Variants in THSD7A observed in about 807,000 individuals in gnomAD.
THSD7A encodes thrombospondin type-1 domain-containing protein 7A.
In THSD7A, 96 loss-of-function variants were observed where a neutral mutation model predicts 231.3. The observed-to-expected ratio is 0.41, with a 90% CI of 0.35 to 0.49. The LOEUF (loss-of-function observed/expected upper bound fraction) is 0.49. Ranked by LOEUF, THSD7A falls within the 20% of genes least tolerant of loss-of-function variation. THSD7A has a pLI of 0.05. For missense variants in THSD7A, 2,290 were observed against 2,070.2 expected (o/e 1.11, Z -2.06); for synonymous variants, 940 against 743.3 (o/e 1.26, Z -4.30).
intron 2 of THSD7A, among the ~76,000 whole-genome samples, chr7:11,606,982 A>G (rs1001126790): frequency 6.6e-6 from 1 of 151,886 alleles, no homozygotes; most frequent in Admixed American, 6.6e-5. Flanking sequence ...TGTTGTGCAC[A>G]TGTACCCTAG....
intron 1 of THSD7A, among the ~76,000 whole-genome samples, chr7:11,797,652 T>C (rs1030469846): frequency 2.0e-5 from 3 of 151,962 alleles, no homozygotes; most frequent in Admixed American, 2.0e-4. Context: ...CTTCTGGCCT[T>C]AAGCAATCCT....
intron 9 of THSD7A, among the ~76,000 whole-genome samples, chr7:11,463,492 G>C (rs1452055512): frequency 6.6e-6 from 1 of 152,156 alleles, no homozygotes; most frequent in Non-Finnish European, 1.5e-5. Flanking sequence ...GAAGGGCCTG[G>C]TTTGAAATCT....
intron 1 of THSD7A, among the ~76,000 whole-genome samples, chr7:11,714,675 C>G (rs1461480569): frequency 6.6e-6 from 1 of 151,268 alleles, no homozygotes; most frequent in African/African-American, 2.4e-5. Flanking sequence ...AGAAAAAAAG[C>G]AGTTTTCCAA....
At chr7:11,674,091 G>C (rs965435392) in intron 1 of THSD7A, among the ~76,000 whole-genome samples, 2 of 151,882 alleles carry the variant, frequency 1.3e-5, no homozygotes, top group Non-Finnish European at 2.9e-5. Context: ...CAGGTTCCCT[G>C]GTGTTCTAAC....
chr7:11,781,551 C>T (rs114417350), intron 1 of THSD7A, among the ~76,000 whole-genome samples: 81 of 152,200 alleles, frequency 5.3e-4, no homozygotes, highest in African/African-American at 1.7e-3. Context: ...ATAACTTGTC[C>T]CCAGAAGTCT....
chr7:11,437,254 A>T (rs1041905177), intron 13 of THSD7A, among the ~76,000 whole-genome samples: 2 of 152,068 alleles, frequency 1.3e-5, no homozygotes. Context: ...CCAGACATGA[A>T]TGGCAGCTGC....
At chr7:11,461,527 T>C (rs1562627869) in intron 10 of THSD7A, among the ~76,000 whole-genome samples, 1 of 152,148 alleles carries the variant, frequency 6.6e-6, no homozygotes, top group African/African-American at 2.4e-5. Flanking sequence ...ACAATTTTAT[T>C]TGAGGTGATC....
At chr7:11,433,433 T>C (rs1254038794) in intron 13 of THSD7A, among the ~76,000 whole-genome samples, 6 of 152,042 alleles carry the variant, frequency 3.9e-5, no homozygotes, top group African/African-American at 7.2e-5. Flanking sequence ...ACTTTAAAAG[T>C]ATCTAAAGTC....
At chr7:11,785,754 C>T (rs1223864757) in intron 1 of THSD7A, among the ~76,000 whole-genome samples, 3 of 152,078 alleles carry the variant, frequency 2.0e-5, no homozygotes, top group Non-Finnish European at 4.4e-5. Flanking sequence ...ACCACATCTG[C>T]TTTTACAGTT....
intron 6 of THSD7A, among the ~76,000 whole-genome samples, chr7:11,500,401 C>A (rs1227816436): frequency 3.3e-5 from 5 of 152,074 alleles, no homozygotes; most frequent in African/African-American, 9.7e-5. Flanking sequence ...AAAGCAACCA[C>A]ACAAACAAGC....
chr7:11,554,770 T>C (rs2128327358), intron 4 of THSD7A, among the ~76,000 whole-genome samples: 1 of 152,098 alleles, frequency 6.6e-6, no homozygotes, highest in South Asian at 2.1e-4. Context: ...AGTGCCTTTG[T>C]TGCCTCTTTT....
Position 11,832,135 on chromosome 7 carries a change from C to T in THSD7A, c.-189G>A. On this transcript the variant is annotated 5_prime_UTR_variant, in exon 1 of 28. Coordinates refer to ENST00000423059, the MANE Select transcript of THSD7A (RefSeq NM_015204.3). ...ATAGCGTCCGCGGTGGTGGCCGTGG[C>T]CGCTGCCGCCGCCGCCGCCGCCTCT... The T allele has an allele frequency of 5.5e-6, 2 of 361,870 alleles. No homozygotes were observed. The highest frequency in any genetic ancestry group is 9.5e-6 in the Non-Finnish European group (2 of 209,606). The allele number at this position is 361,870 out of a possible 1,614,324, so 22.4% of individuals were successfully genotyped here. A position where few individuals can be genotyped will look rare whatever the true frequency, so the allele number is the denominator to read the frequency against.
At chr7:11,815,062 A>G (rs542944493) in intron 1 of THSD7A, among the ~76,000 whole-genome samples, 3 of 148,808 alleles carry the variant, frequency 2.0e-5, no homozygotes, top group Non-Finnish European at 4.5e-5. Flanking sequence ...ATATACTTTC[A>G]TGTAGCCATT....
chr7:11,675,956 A>G (rs1259905170), intron 1 of THSD7A, among the ~76,000 whole-genome samples: 1 of 152,190 alleles, frequency 6.6e-6, no homozygotes, highest in Non-Finnish European at 1.5e-5. Context: ...CTGACCCATG[A>G]GCCTCCTGAT....
intron 6 of THSD7A, among the ~76,000 whole-genome samples, chr7:11,527,987 T>TA (rs144953201): frequency 0.038 from 5,725 of 152,042 alleles, 378 homozygotes; most frequent in African/African-American, 0.13. Context: ...ACTTTGTCCC[T>TA]ACAAAAAAAT....
At chr7:11,488,952 G>C (rs1786777073) in intron 6 of THSD7A, among the ~76,000 whole-genome samples, 1 of 151,902 alleles carries the variant, frequency 6.6e-6, no homozygotes, top group Non-Finnish European at 1.5e-5. Flanking sequence ...TTCTTCCTCT[G>C]TGAACATTAT....
chr7:11,676,481 G>T (rs540583092), intron 1 of THSD7A, among the ~76,000 whole-genome samples: 1 of 152,120 alleles, frequency 6.6e-6, no homozygotes, highest in Non-Finnish European at 1.5e-5. Flanking sequence ...AACTAAAGGA[G>T]CAATTTCTAA....
chr7:11,551,802 C>T (rs760286547), intron 4 of THSD7A, among the ~76,000 whole-genome samples: 6 of 152,092 alleles, frequency 3.9e-5, no homozygotes, highest in Non-Finnish European at 8.8e-5. Flanking sequence ...TCTCAAAGAA[C>T]TTAAAACAAC....
rs375755926 is a variant in THSD7A at position 11,474,526 on chromosome 7, C to T, written c.2060G>A (p.Arg687Gln). The T allele has an allele frequency of 1.3e-5, 21 of 1,609,110 alleles. No homozygotes were observed. The highest frequency in any genetic ancestry group is 9.4e-5 in the African/African-American group (7 of 74,820). The change falls in exon 8 of 28, where the codon CGA (arginine) becomes CAA (glutamine). Residue 687 changes from arginine (R) to glutamine (Q), a missense_variant. Physicochemically the swap from Arg to Gln is conservative, Grantham distance 43. Coordinates refer to ENST00000423059, the MANE Select transcript of THSD7A (RefSeq NM_015204.3). This position sits in a 1 kb window ranked among gnomAD's most constrained non-coding sequence, Gnocchi z 4.1. ...TGTGCAAGGATGCTCATTACAGCTT[C>T]GTACTTCTTGCAAAGCACTGCTATT... ...CPNSSALQEVRSCNEHPCTVY... is the reference protein window; with the variant it reads ...CPNSSALQEVQSCNEHPCTVY...
Sources: allele counts gnomAD v4.1 joint callset (sites outside exome capture counted in the v4.1 genomes callset), GRCh38; gene constraint gnomAD v4.1.1; non-coding constraint Gnocchi (gnomAD v3.1); transcripts MANE v1.5; gene names NCBI Gene and HGNC (gene_info 2026-07-23, HGNC 2026-07-21).